MAPK6: variants seen among roughly 807,000 people sequenced by gnomAD.
MAPK6 encodes the protein ERK-3.
In MAPK6, 19 loss-of-function variants were observed where a neutral mutation model predicts 59.3. The observed-to-expected ratio is 0.32, with a 90% CI of 0.22 to 0.47. The LOEUF (loss-of-function observed/expected upper bound fraction) is 0.47, where lower values mean the gene tolerates loss of function less well. Ranked by LOEUF, MAPK6 falls within the 20% of genes least tolerant of loss-of-function variation. The pLI is 1.00. For synonymous variants in MAPK6, 316 were observed against 290.3 expected (o/e 1.09, Z -0.90); for missense variants, 724 against 847.9 (o/e 0.85, Z 1.81).
At chr15:51,998,487 G>A (rs1164712008) in intron 2 of MAPK6, among the ~76,000 whole-genome samples, 1 of 147,848 alleles carries the variant, frequency 6.8e-6, no homozygotes, top group African/African-American at 2.5e-5. Flanking sequence ...TTACAGGCAT[G>A]AGCCACCGCA....
In MAPK6 at chr15:52,030,611, C is replaced by CTTTTTTTTTTTTTT. The variant is rs11295636; in HGVS notation, c.-632+11252_-632+11265dup. Among the ~76,000 whole-genome samples the CTTTTTTTTTTTTTT allele has an allele frequency of 6.7e-4, 24 of 35,744 alleles. 3 individuals are homozygous for CTTTTTTTTTTTTTT. Among genetic ancestry groups the CTTTTTTTTTTTTTT allele is most frequent in the African/African-American group, 2.5e-3 (22 of 8,780 alleles). The allele number at this position is 35,744 out of a possible 152,430, so 23.4% of individuals were successfully genotyped here. ...TGTGTTTTAGTTATGCAGAAGAAGGCTTTTTTTTTTTTTTTTTTTTTTTTT... is the reference window on the plus strand; with the variant it reads ...TGTGTTTTAGTTATGCAGAAGAAGGCTTTTTTTTTTTTTTTTTTTTTTTTTTTTTTTTTTTTTTT... On this transcript the variant is annotated intron_variant, in intron 1 of 5. Coordinates refer to ENST00000261845, the MANE Select transcript of MAPK6 (RefSeq NM_002748.4).
intron 5 of MAPK6, 138 bp downstream of exon 5, chr15:52,061,638 A>T: frequency 1.4e-6 from 1 of 700,932 alleles, no homozygotes; most frequent in African/African-American, 1.8e-5. Flanking sequence ...AAAATTAGTC[A>T]GGTGTGGTGG....
At chr15:52,049,296 G>A (rs1433727589) in intron 2 of MAPK6, among the ~76,000 whole-genome samples, 5 of 150,480 alleles carry the variant, frequency 3.3e-5, no homozygotes, top group Admixed American at 2.0e-4. Flanking sequence ...AAGACTGAGT[G>A]TAAACCAGCT....
chr15:52,053,223 G>C (rs563085845), intron 3 of MAPK6, among the ~76,000 whole-genome samples: 1 of 151,846 alleles, frequency 6.6e-6, no homozygotes, highest in East Asian at 1.9e-4. Flanking sequence ...ACAAAGGCTT[G>C]TGCCACCACG....
At chr15:52,016,669 C>T (rs370359057), upstream of MAPK6, among the ~76,000 whole-genome samples, 43 of 152,252 alleles carry the variant, frequency 2.8e-4, 4 homozygotes, top group South Asian at 1.9e-3. Context: ...CTCTCCCCCT[C>T]CTCTGCCCAC....
intron 1 of MAPK6, among the ~76,000 whole-genome samples, chr15:52,031,566 C>T (rs951312672): frequency 1.3e-5 from 2 of 151,824 alleles, no homozygotes; most frequent in Non-Finnish European, 2.9e-5. Flanking sequence ...CGTGGTGGCT[C>T]ACACCTGTAA....
chr15:51,991,146 TATACACAC>T (rs1198771280), intron 2 of MAPK6, among the ~76,000 whole-genome samples: 177 of 120,430 alleles, frequency 1.5e-3, no homozygotes, highest in African/African-American at 5.1e-3. Context: ...AATATATATA[TATACACAC>T]ACACACACAC....
At chr15:52,045,041 A>G (rs1257516488) in intron 1 of MAPK6, among the ~76,000 whole-genome samples, 2 of 149,202 alleles carry the variant, frequency 1.3e-5, no homozygotes, top group Admixed American at 6.7e-5. Context: ...GGTTGTTTCT[A>G]ATTTTCTTTA....
At chr15:51,986,306 G>C (rs1308523486) in intron 2 of MAPK6, among the ~76,000 whole-genome samples, 1 of 152,112 alleles carries the variant, frequency 6.6e-6, no homozygotes, top group East Asian at 1.9e-4. Flanking sequence ...AATTCAACAT[G>C]AGATTTGGGT....
chr15:51,998,616 G>T (rs1368256414), intron 2 of MAPK6, among the ~76,000 whole-genome samples: 1 of 149,284 alleles, frequency 6.7e-6, no homozygotes, highest in Non-Finnish European at 1.5e-5. Context: ...CTGCCTCCAG[G>T]TTCAAGAGAT....
chr15:51,989,079 A>ATTT (rs201759381), intron 2 of MAPK6, among the ~76,000 whole-genome samples: 1 of 132,966 alleles, frequency 7.5e-6, no homozygotes, highest in African/African-American at 2.9e-5. Context: ...AAAATCCATA[A>ATTT]TTTTTTTTTT....
intron 1 of MAPK6, among the ~76,000 whole-genome samples, chr15:52,030,498 C>T (rs2141872178): frequency 6.6e-6 from 1 of 150,762 alleles, no homozygotes; most frequent in South Asian, 2.1e-4. Context: ...CTCCCAAGTA[C>T]ATGATTGAGA....
At chr15:52,037,836 T>G (rs1307558516) in intron 1 of MAPK6, among the ~76,000 whole-genome samples, 3 of 152,340 alleles carry the variant, frequency 2.0e-5, no homozygotes, top group African/African-American at 7.2e-5. Flanking sequence ...CTATTTACAT[T>G]GATTCATTCA....
At chr15:51,991,258 C>T (rs1358792201) in intron 2 of MAPK6, among the ~76,000 whole-genome samples, 1 of 151,454 alleles carries the variant, frequency 6.6e-6, no homozygotes, top group Admixed American at 6.6e-5. Flanking sequence ...CTTACATAGG[C>T]AAATATGAAT....
At chr15:52,025,762 T>C (rs1251788776) in intron 1 of MAPK6, among the ~76,000 whole-genome samples, 1 of 151,972 alleles carries the variant, frequency 6.6e-6, no homozygotes, top group Non-Finnish European at 1.5e-5. Flanking sequence ...CACTCCAGTC[T>C]GGGTGACAGA....
intron 5 of MAPK6, among the ~76,000 whole-genome samples, chr15:52,062,700 A>G (rs1363732959): frequency 2.0e-5 from 3 of 152,132 alleles, no homozygotes; most frequent in Non-Finnish European, 2.9e-5. Context: ...GGGAGGCAGC[A>G]GTTGCAGTGA....
chr15:51,974,253 C>T (rs903132716), intron 1 of MAPK6, among the ~76,000 whole-genome samples: 2 of 151,822 alleles, frequency 1.3e-5, no homozygotes, highest in Non-Finnish European at 2.9e-5. Context: ...TAAGCCACTA[C>T]ACCCAGTTTG....
chr15:52,051,768 G>C (rs1321421257), intron 3 of MAPK6, among the ~76,000 whole-genome samples: 5 of 152,006 alleles, frequency 3.3e-5, no homozygotes, highest in Non-Finnish European at 7.4e-5. Flanking sequence ...CAGCTACTGG[G>C]GAGGCTGAGG....
At chr15:51,976,701 T>C (rs1413633940) in intron 1 of MAPK6, among the ~76,000 whole-genome samples, 1 of 151,690 alleles carries the variant, frequency 6.6e-6, no homozygotes, top group Non-Finnish European at 1.5e-5. Flanking sequence ...TCTCAGCACG[T>C]TGGGAGGCCG....
Sources: gnomAD v4.1 joint callset for allele counts (sites outside exome capture counted in the v4.1 genomes callset) on GRCh38, gnomAD v4.1.1 for gene constraint, MANE v1.5 for transcripts, NCBI Gene and HGNC (gene_info 2026-07-23, HGNC 2026-07-21) for gene names.